JAKMIP3: variants seen among roughly 807,000 people sequenced by gnomAD.
JAKMIP3 encodes janus kinase and microtubule-interacting protein 3.
In JAKMIP3, 58 loss-of-function variants were observed where a neutral mutation model predicts 118.5. That is an observed-to-expected ratio of 0.49 (90% confidence interval 0.40 to 0.61). The LOEUF (loss-of-function observed/expected upper bound fraction) is 0.61, where lower values mean the gene tolerates loss of function less well. Among genes scored for constraint, JAKMIP3 ranks in the 20% least tolerant of loss-of-function variants. JAKMIP3 has a pLI of 0.00. For missense variants in JAKMIP3, 950 were observed against 1,109.0 expected, an observed-to-expected ratio of 0.86 and a Z score of 2.04; for synonymous variants, 486 against 451.2, an observed-to-expected ratio of 1.08 and a Z score of -0.98.
Position 132,180,624 on chromosome 10 carries a change from T to TGCGC in JAKMIP3, c.*1104-1730_*1104-1729insCGCG, listed in dbSNP as rs1319137751. ...GTGCGCGTGTGTGTGTGCGTGTGTG[T>TGCGC]GCGTGTGTGCGTGCGTGTGTGCGTG... On this transcript the variant is annotated intron_variant, in intron 23 of 23. Coordinates refer to ENST00000684848, the MANE Select transcript of JAKMIP3 (RefSeq NM_001323087.2). Among the ~76,000 whole-genome samples, 28 of 18,080 alleles carry TGCGC rather than the reference T, an allele frequency of 1.5e-3. 3 individuals carry two copies. Among genetic ancestry groups the TGCGC allele is most frequent in the African/African-American group, 6.4e-3 (25 of 3,890 alleles). 11.9% of individuals were successfully genotyped at this position (18,080 alleles called of 152,430 possible).
chr10:132,174,412 CCTCCGTGGGCTCAGTGGG>C (rs1331637033), intron 23 of JAKMIP3, among the ~76,000 whole-genome samples: 3 of 149,398 alleles, frequency 2.0e-5, no homozygotes, highest in Admixed American at 6.7e-5. Context: ...GCCTCCGTGG[CCTCCGTGGGCTCAGTGGG>C]CTCCGTGGGC....
At chr10:132,106,357 T>TAA (rs531394271) in intron 2 of JAKMIP3, among the ~76,000 whole-genome samples, 9 of 126,406 alleles carry the variant, frequency 7.1e-5, no homozygotes, top group South Asian at 4.7e-4. Context: ...AAAAATGATT[T>TAA]AAAAAAAAAA....
chr10:132,081,947 A>C (rs2041827084), intron 1 of JAKMIP3, among the ~76,000 whole-genome samples: 1 of 150,334 alleles, frequency 6.7e-6, no homozygotes, highest in Non-Finnish European at 1.5e-5. Context: ...GATTTTATTT[A>C]TGCTGACTGT....
rs186481505 is a variant in JAKMIP3, at chr10:132,084,503, T to C, written c.-138+18442T>C. Among the ~76,000 whole-genome samples the C allele has an allele frequency of 8.3e-4, 126 of 152,310 alleles. 2 individuals carry two copies. Among genetic ancestry groups the C allele is most frequent in the African/African-American group, 2.9e-3 (120 of 41,564 alleles). On this transcript the variant is annotated intron_variant, in intron 1 of 23. Transcript: ENST00000684848. ...AGCAAACAGTGACAATTCGACTTCC[T>C]CTTTATGGATTTGTATGCCCTTTAT... is the stretch of plus-strand genomic sequence containing the variant.
intron 23 of JAKMIP3, among the ~76,000 whole-genome samples, chr10:132,169,346 T>C (rs2059242937): frequency 6.6e-6 from 1 of 151,980 alleles, no homozygotes; most frequent in East Asian, 1.9e-4. Context: ...ACCCCGTAGG[T>C]GCAATGAGGC....
At chr10:132,152,384 G>A (rs573482371) in intron 16 of JAKMIP3, among the ~76,000 whole-genome samples, 2 of 152,342 alleles carry the variant, frequency 1.3e-5, no homozygotes, top group African/African-American at 4.8e-5. Context: ...GAGTCTGAGA[G>A]TGTGAGGTGC....
intron 1 of JAKMIP3, among the ~76,000 whole-genome samples, chr10:132,068,184 G>A (rs375915356): frequency 1.4e-5 from 2 of 144,394 alleles, no homozygotes; most frequent in East Asian, 2.1e-4. Context: ...GGTCTGGACT[G>A]TGGGCTTCCA....
chr10:132,179,569 C>T lies in JAKMIP3; in HGVS notation c.*1104-2788C>T, dbSNP rs535403735. ...AAGAATGCGCTCCCTGAAGGCAATT[C>T]GCAGCCCCATGTTCCCCCCACCCCC... On this transcript the variant is annotated intron_variant, in intron 23 of 23. Transcript: ENST00000684848. This position sits in a 1 kb window ranked among gnomAD's most constrained non-coding sequence, Gnocchi z 4.3. Among the ~76,000 whole-genome samples, 55 of 152,288 alleles carry T rather than the reference C, an allele frequency of 3.6e-4. No individual in the cohort carries two copies. Among genetic ancestry groups the T allele is most frequent in the African/African-American group, 1.2e-3 (50 of 41,552 alleles).
At position 132,135,143 on chromosome 10, in the gene JAKMIP3, G is replaced by C; in HGVS notation, c.952G>C (p.Glu318Gln). 6.2e-7 allele frequency: 1 copy of C among 1,609,688 alleles called. No individual in the cohort carries two copies. The highest frequency in any genetic ancestry group is 8.5e-7 in the Non-Finnish European group (1 of 1,176,952). The change falls in exon 5 of 24, where the codon GAA (glutamate) becomes CAA (glutamine). Residue 318 changes from glutamate (E) to glutamine (Q), a missense_variant. Physicochemically the swap from Glu to Gln is conservative, Grantham distance 29. Transcript: ENST00000684848. Reference sequence around the variant, plus strand: ...GGAGGACCGCAATGCATTGCTGTCGGAAGAGAGGAATGAGCTGGTGAGCGC... The same window carrying C: ...GGAGGACCGCAATGCATTGCTGTCGCAAGAGAGGAATGAGCTGGTGAGCGC... Reference protein sequence around the residue: ...KLEDRNALLSEERNELLKRVR... With the variant: ...KLEDRNALLSQERNELLKRVR...
chr10:132,137,071 A>G lies in JAKMIP3; in HGVS notation c.1169A>G (p.Gln390Arg). 6.2e-7 allele frequency: 1 copy of G among 1,613,950 alleles called. No homozygotes were observed. The highest frequency in any genetic ancestry group is 1.7e-5 in the Admixed American group (1 of 60,032). ...CCCAGTTCCTTGAATGACCTTGATC[A>G]AAGTCAGGATGAGAGAGAAGTCGAT... Reference protein sequence around the residue: ...RRPSSLNDLDQSQDEREVDFL... With the variant: ...RRPSSLNDLDRSQDEREVDFL... The change falls in exon 7 of 24, where the codon CAA (glutamine) becomes CGA (arginine). Residue 390 changes from glutamine to arginine, a missense_variant. By Grantham distance (43) the Gln-to-Arg change is conservative. Transcript: ENST00000684848.
chr10:132,145,334 C>G lies in JAKMIP3; in HGVS notation c.1686+144C>G, dbSNP rs1318856967. The G allele has an allele frequency of 3.3e-6, 3 of 896,042 alleles. No individual in the cohort carries two copies. In the Admixed American group the frequency reaches 6.9e-5, roughly 21 times the overall value. The allele number at this position is 896,042 out of a possible 1,614,324, so 55.5% of individuals were successfully genotyped here. The stretch of plus-strand genomic sequence containing the variant: ...GCTCAAGCCATCCTCCCACCTCAGC[C>G]TCCTGAGTAGCTGGGACCACAGGCA... On this transcript the variant is annotated intron_variant, in intron 12 of 23. Transcript: ENST00000684848.
intron 23 of JAKMIP3, among the ~76,000 whole-genome samples, chr10:132,177,916 G>T: frequency 6.9e-6 from 1 of 145,788 alleles, no homozygotes; most frequent in South Asian, 2.2e-4. Context: ...CTGTGCATTT[G>T]GTTGTGTGTG....
intron 3 of JAKMIP3, among the ~76,000 whole-genome samples, chr10:132,127,972 A>G (rs1419497766): frequency 6.6e-6 from 1 of 152,188 alleles, no homozygotes; most frequent in Admixed American, 6.5e-5. Context: ...TAAGCCCCCA[A>G]AGAAATGGCT....
chr10:132,122,601 G>A (rs1281940375), intron 3 of JAKMIP3, among the ~76,000 whole-genome samples: 2 of 152,268 alleles, frequency 1.3e-5, no homozygotes, highest in Non-Finnish European at 2.9e-5. Flanking sequence ...GACCCTAAGT[G>A]CAGGCCTGGA....
chr10:132,142,702 C>T (rs978155849), intron 11 of JAKMIP3, among the ~76,000 whole-genome samples: 6 of 152,208 alleles, frequency 3.9e-5, no homozygotes, highest in Admixed American at 2.0e-4. Flanking sequence ...GCCGCCCCAC[C>T]CTCCCTTACT....
At chr10:132,071,962 C>A (rs560425090) in intron 1 of JAKMIP3, among the ~76,000 whole-genome samples, 62 of 43,750 alleles carry the variant, frequency 1.4e-3, no homozygotes, top group African/African-American at 7.3e-3. Context: ...TCTTTCCTTT[C>A]TTTTTTGAGA....
chr10:132,156,139 C>T (rs2057065347), intron 19 of JAKMIP3, among the ~76,000 whole-genome samples: 1 of 152,222 alleles, frequency 6.6e-6, no homozygotes, highest in Non-Finnish European at 1.5e-5. Context: ...CTGGGACTCC[C>T]AGCTGCCCTT....
intron 16 of JAKMIP3, among the ~76,000 whole-genome samples, chr10:132,150,586 C>T (rs1484504222): frequency 6.6e-6 from 1 of 152,182 alleles, no homozygotes; most frequent in Admixed American, 6.5e-5. Flanking sequence ...CTACCTAGCC[C>T]TTCATTCATG....
At chr10:132,109,245 G>A (rs938846661) in intron 2 of JAKMIP3, among the ~76,000 whole-genome samples, 1 of 152,052 alleles carries the variant, frequency 6.6e-6, no homozygotes, top group African/African-American at 2.4e-5. Flanking sequence ...CAAGGCTGCA[G>A]TGAGCCATGA....
Sources: gnomAD v4.1 joint callset for allele counts (sites outside exome capture counted in the v4.1 genomes callset) on GRCh38, gnomAD v4.1.1 for gene constraint, Gnocchi (gnomAD v3.1) non-coding constraint, MANE v1.5 for transcripts, NCBI Gene and HGNC (gene_info 2026-07-23, HGNC 2026-07-21) for gene names.